Variants in CDK14 observed in about 807,000 individuals in gnomAD.
CDK14 encodes cyclin-dependent kinase 14.
A neutral mutation model predicts 60.7 loss-of-function variants in CDK14; 34 were observed. That is an observed-to-expected ratio of 0.56 (90% CI 0.43 to 0.75). The LOEUF (loss-of-function observed/expected upper bound fraction) is 0.75, where lower values mean the gene tolerates loss of function less well. Ranked by LOEUF, CDK14 falls within the 30% of genes least tolerant of loss-of-function variation. The pLI is 0.00. For synonymous variants in CDK14, 197 were observed against 203.7 expected (o/e 0.97, Z 0.28); for missense variants, 482 against 564.1 (o/e 0.85, Z 1.47).
At chr7:90,736,344 G>GCTTTTTTTTT (rs1563063351) in intron 3 of CDK14, among the ~76,000 whole-genome samples, 8 of 41,020 alleles carry the variant, frequency 2.0e-4, no homozygotes, top group South Asian at 1.0e-3. Context: ...ACTTTATTAT[G>GCTTTTTTTTT]TTTTTGTTTT....
chr7:91,039,442 A>G (rs575535737), intron 10 of CDK14, among the ~76,000 whole-genome samples: 1 of 152,344 alleles, frequency 6.6e-6, no homozygotes, highest in African/African-American at 2.4e-5. Flanking sequence ...GTATAAAATG[A>G]AAAAGATACA....
intron 2 of CDK14, among the ~76,000 whole-genome samples, chr7:90,664,485 G>C (rs545644685): frequency 0.015 from 2,352 of 152,168 alleles, 87 homozygotes; most frequent in African/African-American, 0.052. Flanking sequence ...AAGACACATG[G>C]GCACGTATGT....
chr7:90,835,078 C>A (rs1376987450), intron 5 of CDK14, among the ~76,000 whole-genome samples: 1 of 151,828 alleles, frequency 6.6e-6, no homozygotes, highest in African/African-American at 2.4e-5. Flanking sequence ...TGACAAGGAG[C>A]AAAGGAGGAC....
chr7:91,073,284 G>C (rs796802935), intron 11 of CDK14, among the ~76,000 whole-genome samples: 12 of 152,288 alleles, frequency 7.9e-5, no homozygotes, highest in African/African-American at 2.9e-4. Flanking sequence ...ACAAAGGGAA[G>C]CCCATCAGAC....
chr7:90,984,212 A>C lies in CDK14; in HGVS notation c.1012A>C (p.Ile338Leu). The C allele has an allele frequency of 6.2e-7, 1 of 1,612,424 alleles. No individual in the cohort carries two copies. Among genetic ancestry groups the C allele is most frequent in the Middle Eastern group, 1.7e-4 (1 of 6,056 alleles). The change falls in exon 10 of 15, where the codon ATT (isoleucine) becomes CTT (leucine). Residue 338 changes from isoleucine to leucine, a missense_variant. Physicochemically the swap from Ile to Leu is conservative, Grantham distance 5. Transcript: ENST00000380050. Reference sequence around the variant, plus strand: ...TGCTGCTTTTCCAGGAATGAAAGACATTCAGGATCAACTTGAACGAATATT... The same window carrying C: ...TGCTGCTTTTCCAGGAATGAAAGACCTTCAGGATCAACTTGAACGAATATT... ...GVAAFPGMKD[I>L]QDQLERIFLV...
At chr7:90,663,352 TCGTA>T (rs1800902947) in intron 2 of CDK14, among the ~76,000 whole-genome samples, 1 of 152,180 alleles carries the variant, frequency 6.6e-6, no homozygotes, top group South Asian at 2.1e-4. Context: ...ACGGAGGGTG[TCGTA>T]GATACTTAGT....
intron 14 of CDK14, among the ~76,000 whole-genome samples, chr7:91,187,162 T>C (rs1372695956): frequency 1.3e-5 from 2 of 152,264 alleles, no homozygotes; most frequent in Non-Finnish European, 2.9e-5. Flanking sequence ...TTTTAAAATA[T>C]GGTTAAGTAC....
intron 5 of CDK14, among the ~76,000 whole-genome samples, chr7:90,808,905 C>T (rs1432265264): frequency 6.6e-6 from 1 of 152,170 alleles, no homozygotes; most frequent in Non-Finnish European, 1.5e-5. Flanking sequence ...GGGATCAATT[C>T]AACAAGAAGA....
chr7:90,963,075 C>T (rs1794647530), intron 9 of CDK14, among the ~76,000 whole-genome samples: 1 of 117,142 alleles, frequency 8.5e-6, no homozygotes, highest in Non-Finnish European at 1.8e-5. Context: ...CCAGGATATT[C>T]TCATCTTAAG....
chr7:90,848,638 G>A (rs1162227628), intron 5 of CDK14, among the ~76,000 whole-genome samples: 1 of 152,162 alleles, frequency 6.6e-6, no homozygotes, highest in Non-Finnish European at 1.5e-5. Flanking sequence ...GGGCTAGTGA[G>A]GGGAGGACAC....
At chr7:91,073,413 A>G (rs369206798) in intron 11 of CDK14, among the ~76,000 whole-genome samples, 1 of 152,186 alleles carries the variant, frequency 6.6e-6, no homozygotes, top group East Asian at 1.9e-4. Context: ...AGCTTCATAA[A>G]TGAAGGAGAA....
intron 14 of CDK14, among the ~76,000 whole-genome samples, chr7:91,202,413 A>T (rs1056281225): frequency 2.0e-5 from 3 of 152,248 alleles, no homozygotes; most frequent in African/African-American, 7.2e-5. Flanking sequence ...GTGGCTATGC[A>T]CATAGTTGAG....
intron 3 of CDK14, among the ~76,000 whole-genome samples, chr7:90,729,823 C>G (rs1215870498): frequency 2.0e-5 from 3 of 151,884 alleles, no homozygotes; most frequent in East Asian, 1.9e-4. Flanking sequence ...CTATAATATC[C>G]TGTTTTTTTC....
chr7:90,983,871 G>A (rs971052406), intron 9 of CDK14, among the ~76,000 whole-genome samples: 6 of 152,038 alleles, frequency 3.9e-5, no homozygotes, highest in Non-Finnish European at 7.4e-5. Flanking sequence ...CTAGAAGGAG[G>A]AGGAAGGAAG....
intron 14 of CDK14, among the ~76,000 whole-genome samples, chr7:91,123,727 C>T (rs1054222974): frequency 3.3e-5 from 5 of 152,040 alleles, no homozygotes; most frequent in African/African-American, 1.2e-4. Flanking sequence ...CCTCTCCACC[C>T]CTTCTTTTCT....
intron 5 of CDK14, among the ~76,000 whole-genome samples, chr7:90,832,403 G>A (rs1342831301): frequency 5.3e-5 from 8 of 152,116 alleles, no homozygotes; most frequent in African/African-American, 1.9e-4. Flanking sequence ...ACCCCAATGA[G>A]AACACTGTTA....
At chr7:90,827,054 G>T (rs1789750100) in intron 5 of CDK14, among the ~76,000 whole-genome samples, 1 of 150,910 alleles carries the variant, frequency 6.6e-6, no homozygotes, top group South Asian at 2.1e-4. Context: ...TTTCATTGCT[G>T]CCCAACCCCC....
At chr7:90,929,159 G>A (rs778683915) in intron 8 of CDK14, among the ~76,000 whole-genome samples, 34 of 152,154 alleles carry the variant, frequency 2.2e-4, no homozygotes, top group African/African-American at 7.5e-4. Flanking sequence ...GGAATTCCCC[G>A]ACCCCTTGCA....
chr7:91,147,742 C>T (rs373775230), intron 14 of CDK14, among the ~76,000 whole-genome samples: 5 of 152,090 alleles, frequency 3.3e-5, no homozygotes, highest in East Asian at 1.9e-4. Context: ...TTCCCCCCTC[C>T]CCCCCATTAA....
Sources: allele counts gnomAD v4.1 joint callset (sites outside exome capture counted in the v4.1 genomes callset), GRCh38; gene constraint gnomAD v4.1.1; transcripts MANE v1.5; gene names NCBI Gene and HGNC (gene_info 2026-07-23, HGNC 2026-07-21).